AADAT: variants seen among roughly 807,000 people sequenced by gnomAD.
AADAT encodes the protein kynurenine/alpha-aminoadipate aminotransferase, mitochondrial.
Under a neutral mutation model 56.2 loss-of-function variants are expected in AADAT, and 25 were observed. The ratio of observed to expected loss-of-function variants is 0.44; its 90% CI spans 0.32 to 0.62. AADAT has a LOEUF of 0.62. AADAT is among the 20% of genes least tolerant of loss of function. The pLI is 0.04. For missense variants in AADAT, 387 were observed against 510.5 expected (o/e 0.76, Z 2.33); for synonymous variants, 173 against 164.7 (o/e 1.05, Z -0.39).
rs1042855589 is a variant in AADAT at position 170,060,743 on chromosome 4, C to CT, written c.*184dup. On this transcript the variant is annotated 3_prime_UTR_variant, in exon 13 of 13. Coordinates refer to ENST00000337664, the MANE Select transcript of AADAT (RefSeq NM_016228.4). Reference sequence around the variant, plus strand: ...AGCATGATTAGTTTGATTTCTTTCTCTTTTTTTAGAGACAGGGTCTTGTTC... The same window carrying CT: ...AGCATGATTAGTTTGATTTCTTTCTCTTTTTTTTAGAGACAGGGTCTTGTTC... 9 of 408,216 alleles carry CT rather than the reference C, an allele frequency of 2.2e-5. No homozygotes were observed. Among genetic ancestry groups the CT allele is most frequent in the Middle Eastern group, 6.4e-4 (1 of 1,568 alleles). The allele number at this position is 408,216 out of a possible 1,614,324, so 25.3% of individuals were successfully genotyped here. A position where few individuals can be genotyped will look rare whatever the true frequency, so the allele number is the denominator to read the frequency against.
Position 170,069,136 on chromosome 4 carries a change from A to T in AADAT, c.803+12T>A. On this transcript the variant is annotated intron_variant, in intron 7 of 12. Transcript: ENST00000337664. ...TTAGATCTAGCGTCAAGTTAGAGAC[A>T]CAGGGCCTTACCCAGAGGAAATGAT... The T allele has an allele frequency of 6.2e-7, 1 of 1,611,486 alleles. No homozygotes were observed.
Position 170,088,999 on chromosome 4 carries a change from A to G in AADAT, c.68-435T>C, listed in dbSNP as rs530702006. On this transcript the variant is annotated intron_variant, in intron 1 of 12. Coordinates refer to ENST00000337664, the MANE Select transcript of AADAT (RefSeq NM_016228.4). ...TTCCTAGCTTCCAGAACTGTGAGAA[A>G]TAATTCTATTGTTCATAAATTACCC... Among the ~76,000 whole-genome samples the G allele has an allele frequency of 4.6e-5, 7 of 152,356 alleles. No individual in the cohort carries two copies. The East Asian group carries it at 1.3e-3, about 29-fold the overall frequency.
At chr4:170,077,019 T>C (rs1406462641) in intron 4 of AADAT, among the ~76,000 whole-genome samples, 1 of 152,216 alleles carries the variant, frequency 6.6e-6, no homozygotes, top group Non-Finnish European at 1.5e-5. Flanking sequence ...ACTGGATTTG[T>C]GGGTTTATTT....
chr4:170,091,873 A>G (rs961390676), upstream of AADAT, among the ~76,000 whole-genome samples: 1 of 152,228 alleles, frequency 6.6e-6, no homozygotes, highest in African/African-American at 2.4e-5. Context: ...GAATACACCA[A>G]TCAGCACTCT....
In AADAT at chr4:170,079,938, G is replaced by C. The variant is rs2466991; in HGVS notation, c.370-1355C>G. On this transcript the variant is annotated intron_variant, in intron 3 of 12. Coordinates refer to ENST00000337664, the MANE Select transcript of AADAT (RefSeq NM_016228.4). ...AGGAAAAGTACATAGACTAAGGAGA[G>C]ATGTTTAAGGACTGAGCTACAGGGA... 6.0e-3 allele frequency among the ~76,000 whole-genome samples: 920 copies of C among 152,294 alleles called. 15 individuals carry two copies. The highest frequency in any genetic ancestry group is 0.021 in the African/African-American group (874 of 41,556).
chr4:170,087,134 G>A lies in AADAT; in HGVS notation c.351C>T (p.Ser117=), dbSNP rs771061033. 7.4e-6 allele frequency: 12 copies of A among 1,613,936 alleles called. No homozygotes were observed. The highest frequency in any genetic ancestry group is 1.0e-5 in the Non-Finnish European group (12 of 1,179,994). Residue 117 remains serine, a synonymous_variant, in exon 3 of 13, where the codon AGC becomes AGT. Transcript: ENST00000337664. The part of the protein sequence containing the change: ...GQMDLCVTSG[S]QQGLCKVFEM... ...GTCTTACCTTACAAAGACCTTGTTGGCTGCCAGATGTGACACATAGATCCA... is the reference window on the plus strand; with the variant it reads ...GTCTTACCTTACAAAGACCTTGTTGACTGCCAGATGTGACACATAGATCCA...
At chr4:170,090,860 C>G (rs535671100), upstream of AADAT, among the ~76,000 whole-genome samples, 13 of 152,304 alleles carry the variant, frequency 8.5e-5, no homozygotes, top group South Asian at 1.7e-3. Flanking sequence ...TGAACAGATT[C>G]ATTCATTCAG....
At chr4:170,093,233 A>C (rs1289567505), upstream of AADAT, among the ~76,000 whole-genome samples, 1 of 152,184 alleles carries the variant, frequency 6.6e-6, no homozygotes, top group East Asian at 1.9e-4. Flanking sequence ...GTTGGAGACC[A>C]GCCTGACCAT....
intron 4 of AADAT, among the ~76,000 whole-genome samples, 157 bp from the exon 5 acceptor site, chr4:170,073,502 CATTT>C (rs1192194052): frequency 4.0e-5 from 6 of 151,002 alleles, no homozygotes; most frequent in Non-Finnish European, 7.4e-5. Context: ...TGAGGTTACA[CATTT>C]ATTTATTTTT....
intron 5 of AADAT, among the ~76,000 whole-genome samples, chr4:170,071,693 C>T (rs1259700426): frequency 6.6e-6 from 1 of 151,888 alleles, no homozygotes; most frequent in African/African-American, 2.4e-5. Context: ...GAGGGCAGGG[C>T]GAAATGCAGC....
At chr4:170,070,401 G>A (rs568275403) in intron 6 of AADAT, 186 bp downstream of exon 6, 6 of 494,362 alleles carry the variant, frequency 1.2e-5, no homozygotes, top group African/African-American at 8.1e-5. Context: ...AAAAAGAAAG[G>A]TACTAATTCC....
At position 170,089,929 on chromosome 4, in the gene AADAT, C is replaced by G. The variant is rs1732752361; in HGVS notation, c.-239G>C. 5 of 414,390 alleles carry G rather than the reference C, an allele frequency of 1.2e-5. 1 individual carries two copies. The East Asian group carries it at 2.1e-4, about 18-fold the overall frequency. The allele number at this position is 414,390 out of a possible 1,614,324, so 25.7% of individuals were successfully genotyped here. A position where few individuals can be genotyped will look rare whatever the true frequency, so the allele number is the denominator to read the frequency against. ...CGGGTCTGGGGCTGTGTGGCGAGCC[C>G]GGCAAAGTCCACGCCGCACGCGCTC... On this transcript the variant is annotated 5_prime_UTR_variant, in exon 1 of 13. Transcript: ENST00000337664.
At chr4:170,084,019 T>C (rs1488949093) in intron 3 of AADAT, among the ~76,000 whole-genome samples, 1 of 152,086 alleles carries the variant, frequency 6.6e-6, no homozygotes, top group African/African-American at 2.4e-5. Flanking sequence ...ATAAGGAAAA[T>C]GTGGTATACA....
upstream of AADAT, chr4:170,090,151 C>G (rs1350470640): frequency 2.0e-5 from 3 of 152,264 alleles, no homozygotes; most frequent in African/African-American, 7.2e-5. Flanking sequence ...GACCTCGCCG[C>G]TGGGAATCAC....
At position 170,068,684 on chromosome 4, in the gene AADAT, C is replaced by T; in HGVS notation, c.807G>A (p.Leu269=). The T allele has an allele frequency of 2.5e-6, 4 of 1,586,150 alleles. No homozygotes were observed. The highest frequency in any genetic ancestry group is 3.4e-6 in the Non-Finnish European group (4 of 1,170,646). ...DSFSKIISSG[L]RIGFLTGPKP... The stretch of plus-strand genomic sequence containing the variant: ...TTGGACCAGTTAAAAATCCTATTCT[C>T]AACCTACGTGGAAAGAGAAAAGGCA... The change falls in exon 8 of 13, where the codon TTG becomes TTA. Residue 269 remains leucine, a synonymous_variant. Transcript: ENST00000337664.
upstream of AADAT, chr4:170,091,731 G>C (rs1318462324): frequency 2.0e-5 from 3 of 152,346 alleles, no homozygotes; most frequent in African/African-American, 7.2e-5. Flanking sequence ...TTTATGTCTA[G>C]CTAAGGGATT....
intron 1 of AADAT, chr4:170,089,200 C>G: frequency 2.9e-6 from 1 of 342,196 alleles, no homozygotes; most frequent in African/African-American, 2.2e-5. Context: ...ATAGCAGAAG[C>G]CCTCCTCCAC....
chr4:170,093,215 G>A (rs1163197772), upstream of AADAT, among the ~76,000 whole-genome samples: 2 of 152,092 alleles, frequency 1.3e-5, no homozygotes, highest in Non-Finnish European at 2.9e-5. Context: ...GATCAACTGA[G>A]GTCAGGAGTT....
intron 10 of AADAT, among the ~76,000 whole-genome samples, chr4:170,065,767 C>T (rs1731428785): frequency 6.6e-6 from 1 of 152,190 alleles, no homozygotes; most frequent in African/African-American, 2.4e-5. Context: ...TCCCAAAGTG[C>T]TGGGATTACA....
Sources: allele counts gnomAD v4.1 joint callset (sites outside exome capture counted in the v4.1 genomes callset), GRCh38; gene constraint gnomAD v4.1.1; transcripts MANE v1.5; gene names NCBI Gene and HGNC (gene_info 2026-07-23, HGNC 2026-07-21).